The following MYT1L variants were observed in gnomAD, a reference collection of about 807,000 sequenced individuals.
The protein encoded by MYT1L is myelin transcription factor 1-like protein.
A neutral mutation model predicts 126.7 loss-of-function variants in MYT1L; 12 were observed. That is an observed-to-expected ratio of 0.09 (90% CI 0.06 to 0.15). The LOEUF is 0.15. MYT1L is among the 10% of genes least tolerant of loss of function. The pLI is 1.00. For synonymous variants in MYT1L, 541 were observed against 604.2 expected (o/e 0.90, Z 1.53); for missense variants, 979 against 1,585.2 (o/e 0.62, Z 6.49).
chr2:2,017,996 A>G (rs1399855144), intron 4 of MYT1L, among the ~76,000 whole-genome samples: 2 of 152,204 alleles, frequency 1.3e-5, no homozygotes, highest in East Asian at 3.8e-4. Flanking sequence ...CACTCTTAAA[A>G]TTAAGTTTAT....
chr2:2,323,584 G>A (rs1242526932), intron 1 of MYT1L, among the ~76,000 whole-genome samples: 1 of 152,172 alleles, frequency 6.6e-6, no homozygotes, highest in Admixed American at 6.5e-5. Context: ...CAGTAGTACA[G>A]TCACAGAATT....
intron 3 of MYT1L, among the ~76,000 whole-genome samples, chr2:2,141,035 T>G (rs1268499288): frequency 2.0e-5 from 3 of 152,244 alleles, no homozygotes; most frequent in Non-Finnish European, 4.4e-5. Context: ...CAATACCGCT[T>G]GTTTTCATTG....
At chr2:1,854,172 G>A (rs1448049547) in intron 18 of MYT1L, among the ~76,000 whole-genome samples, 1 of 151,946 alleles carries the variant, frequency 6.6e-6, no homozygotes, top group Non-Finnish European at 1.5e-5. Context: ...TTCTCGGGTG[G>A]GATGGGGCTG....
chr2:2,207,791 C>T (rs1296755947), intron 2 of MYT1L, among the ~76,000 whole-genome samples: 1 of 152,152 alleles, frequency 6.6e-6, no homozygotes, highest in African/African-American at 2.4e-5. Context: ...ATTATAAATC[C>T]TTGAAACACA....
intron 2 of MYT1L, among the ~76,000 whole-genome samples, chr2:2,198,387 C>T (rs904699622): frequency 6.6e-6 from 1 of 151,840 alleles, no homozygotes; most frequent in Non-Finnish European, 1.5e-5. Flanking sequence ...CAAGGTATTG[C>T]GTATTTCAAG....
intron 18 of MYT1L, among the ~76,000 whole-genome samples, chr2:1,868,473 T>C (rs1179727975): frequency 1.3e-5 from 2 of 152,164 alleles, no homozygotes; most frequent in African/African-American, 2.4e-5. Context: ...CCCTTGATAA[T>C]TGGGAAGGAT....
intron 1 of MYT1L, among the ~76,000 whole-genome samples, chr2:2,294,162 C>T (rs182252056): frequency 1.5e-3 from 228 of 152,228 alleles, no homozygotes; most frequent in East Asian, 5.0e-3. Flanking sequence ...TGAGAATGGC[C>T]GAGAGACAAG....
At chr2:2,205,282 A>G (rs2093269836) in intron 2 of MYT1L, among the ~76,000 whole-genome samples, 1 of 152,130 alleles carries the variant, frequency 6.6e-6, no homozygotes, top group South Asian at 2.1e-4. Flanking sequence ...AAATTAAAAA[A>G]ACTATAATAT....
At chr2:1,991,041 T>C (rs1321705901) in intron 5 of MYT1L, among the ~76,000 whole-genome samples, 1 of 152,146 alleles carries the variant, frequency 6.6e-6, no homozygotes, top group Non-Finnish European at 1.5e-5. Context: ...TCTTGTCCCC[T>C]CTCAGGCAGC....
chr2:1,982,831 C>T (rs764638252), intron 5 of MYT1L, among the ~76,000 whole-genome samples: 1 of 152,152 alleles, frequency 6.6e-6, no homozygotes, highest in Non-Finnish European at 1.5e-5. Context: ...TGAATAAACC[C>T]ACATTTATGA....
intron 3 of MYT1L, among the ~76,000 whole-genome samples, chr2:2,077,663 T>C (rs950440078): frequency 1.3e-5 from 2 of 152,162 alleles, no homozygotes; most frequent in African/African-American, 4.8e-5. Flanking sequence ...CTATGGAGAA[T>C]AGAAAGTAGT....
rs138579107 is a variant in MYT1L, at chr2:2,171,150, G to A, written c.-304+1722C>T. Among the ~76,000 whole-genome samples, 258 of 152,158 alleles carry A rather than the reference G, an allele frequency of 1.7e-3. 2 individuals carry two copies. The highest frequency in any genetic ancestry group is 5.5e-3 in the African/African-American group (228 of 41,516). The stretch of plus-strand genomic sequence containing the variant: ...ACAGGATTTCAGCTGCTAGAACCTC[G>A]AGATCTCTTTTTTCCCCTAACCAAG... On this transcript the variant is annotated intron_variant, in intron 3 of 24. Transcript: ENST00000647738.
chr2:1,902,885 C>G (rs2050539876), intron 14 of MYT1L, 195 bp downstream of exon 14: 1 of 584,378 alleles, frequency 1.7e-6, no homozygotes, highest in Non-Finnish European at 3.0e-6. Flanking sequence ...CTTCCTTCCC[C>G]TGAAGTTTTG....
At chr2:1,860,678 A>G (rs1262961571) in intron 18 of MYT1L, among the ~76,000 whole-genome samples, 1 of 152,158 alleles carries the variant, frequency 6.6e-6, no homozygotes, top group East Asian at 1.9e-4. Flanking sequence ...GAGCATCTCT[A>G]CCTTACTCTC....
intron 2 of MYT1L, among the ~76,000 whole-genome samples, chr2:2,184,638 C>T (rs972773587): frequency 6.6e-6 from 1 of 152,166 alleles, no homozygotes; most frequent in African/African-American, 2.4e-5. Flanking sequence ...CTCATCTGAG[C>T]AAGACCTCCT....
Position 1,801,385 on chromosome 2 carries a change from T to C in MYT1L, c.3276+311A>G. ...TTAAATAACAGGAGGACCTGAAGTATCTTGGAAGGAAAACCTTCATTGTTT... is the reference window on the plus strand; with the variant it reads ...TTAAATAACAGGAGGACCTGAAGTACCTTGGAAGGAAAACCTTCATTGTTT... On this transcript the variant is annotated intron_variant, in intron 23 of 24. Transcript: ENST00000647738. The surrounding 1 kb of genome is among the most constrained non-coding windows in gnomAD (Gnocchi z 4.2). 1 of 258,590 alleles carries C rather than the reference T, an allele frequency of 3.9e-6. No homozygotes were observed. The highest frequency in any genetic ancestry group is 7.2e-6 in the Non-Finnish European group (1 of 138,394). The allele number at this position is 258,590 out of a possible 1,614,324, so 16.0% of individuals were successfully genotyped here.
rs2051825226 is a variant in MYT1L, at chr2:1,910,606, TGA to T, written c.1710-261_1710-260del. 6.6e-6 allele frequency among the ~76,000 whole-genome samples: 1 copy of T among 152,096 alleles called. No homozygotes were observed. Among genetic ancestry groups the T allele is most frequent in the Non-Finnish European group, 1.5e-5 (1 of 68,020 alleles). On this transcript the variant is annotated intron_variant, in intron 12 of 24. Coordinates refer to ENST00000647738, the MANE Select transcript of MYT1L (RefSeq NM_001303052.2). This position sits in a 1 kb window ranked among gnomAD's most constrained non-coding sequence, Gnocchi z 4.8. ...GTGAGGTGTATTCAATCCTTCCCAA[TGA>T]GAGCATCCCAGCTCCCATGCATTCG... is the stretch of plus-strand genomic sequence containing the variant.
At chr2:2,226,607 TGGCAG>T (rs1236160055) in intron 2 of MYT1L, among the ~76,000 whole-genome samples, 1 of 152,164 alleles carries the variant, frequency 6.6e-6, no homozygotes, top group Non-Finnish European at 1.5e-5. Context: ...TCCAACTCAG[TGGCAG>T]GGCAAAGTGC....
intron 4 of MYT1L, among the ~76,000 whole-genome samples, chr2:2,052,817 T>C (rs910966509): frequency 1.3e-5 from 2 of 152,178 alleles, no homozygotes; most frequent in African/African-American, 4.8e-5. Flanking sequence ...TTGGAATCCT[T>C]GTGAACTGTG....
Sources: allele counts gnomAD v4.1 joint callset (sites outside exome capture counted in the v4.1 genomes callset), GRCh38; gene constraint gnomAD v4.1.1; non-coding constraint Gnocchi (gnomAD v3.1); transcripts MANE v1.5; gene names NCBI Gene and HGNC (gene_info 2026-07-23, HGNC 2026-07-21).